The following ABCA4 variants were observed in gnomAD, a reference collection of about 807,000 sequenced individuals.
ABCA4 encodes retinal-specific phospholipid-transporting ATPase ABCA4.
In ABCA4, 196 loss-of-function variants were observed where a neutral mutation model predicts 263.7. The observed-to-expected ratio is 0.74, with a 90% CI of 0.66 to 0.84. The LOEUF is 0.84. ABCA4 is among the 40% of genes least tolerant of loss of function. The probability of loss-of-function intolerance (pLI) is 0.00; values close to 1 mark genes in which losing one functional copy is unlikely to be tolerated. For synonymous variants in ABCA4, 1,133 were observed against 1,094.2 expected (o/e 1.04, Z -0.70); for missense variants, 2,792 against 2,855.1 (o/e 0.98, Z 0.50).
intron 28 of ABCA4, among the ~76,000 whole-genome samples, chr1:94,030,739 C>T (rs954953676): frequency 4.6e-5 from 7 of 152,166 alleles, no homozygotes; most frequent in African/African-American, 1.4e-4. Context: ...AAAAAGATGG[C>T]GCTTCAACCC....
At chr1:94,073,318 G>A (rs932725849) in intron 11 of ABCA4, among the ~76,000 whole-genome samples, 1 of 152,028 alleles carries the variant, frequency 6.6e-6, no homozygotes, top group Non-Finnish European at 1.5e-5. Flanking sequence ...ACAGCTGCTG[G>A]GCTTCTGCTC....
intron 37 of ABCA4, among the ~76,000 whole-genome samples, chr1:94,015,431 G>A (rs186521749): frequency 7.6e-5 from 11 of 145,018 alleles, no homozygotes; most frequent in African/African-American, 2.9e-4. Flanking sequence ...AGCTGGGTGA[G>A]GGGTTGGGGA....
At chr1:94,041,434 C>A (rs1570371087) in intron 22 of ABCA4, 32 bp from the exon 23 acceptor site, 1 of 1,611,026 alleles carries the variant, frequency 6.2e-7, no homozygotes, top group Non-Finnish European at 8.5e-7. Context: ...AATCACCAGG[C>A]CTGCCCTGGG....
intron 18 of ABCA4, among the ~76,000 whole-genome samples, chr1:94,047,858 C>T (rs889896288): frequency 1.3e-5 from 2 of 152,218 alleles, no homozygotes; most frequent in African/African-American, 4.8e-5. Context: ...TCTCCCTGAC[C>T]TCCCATCTAT....
chr1:94,080,386 G>T, intron 8 of ABCA4, 92 bp downstream of exon 8: 1 of 1,557,718 alleles, frequency 6.4e-7, no homozygotes, highest in Non-Finnish European at 8.8e-7. Flanking sequence ...CAAGACAGAT[G>T]CAACCCCAGG....
At chr1:94,118,945 G>A (rs375727316) in intron 1 of ABCA4, among the ~76,000 whole-genome samples, 6 of 152,304 alleles carry the variant, frequency 3.9e-5, no homozygotes, top group East Asian at 1.9e-4. Flanking sequence ...CCCCCTTTGA[G>A]GGTCACAAAG....
intron 15 of ABCA4, among the ~76,000 whole-genome samples, chr1:94,056,399 G>A (rs562786054): frequency 1.3e-4 from 20 of 152,322 alleles, no homozygotes; most frequent in African/African-American, 7.2e-5. Flanking sequence ...TCAAGCAGGC[G>A]TGGTGAGGAG....
At chr1:94,044,013 C>T (rs967284727) in intron 20 of ABCA4, among the ~76,000 whole-genome samples, 6 of 151,140 alleles carry the variant, frequency 4.0e-5, no homozygotes, top group Admixed American at 6.6e-5. Context: ...CCTCCTTCCC[C>T]TTCCCTTTTC....
rs144943152 is a variant in ABCA4 at position 94,094,341 on chromosome 1, C to T, written c.768+4453G>A. Among the ~76,000 whole-genome samples, 451 of 152,198 alleles carry T rather than the reference C, an allele frequency of 3.0e-3. 1 individual carries two copies. The highest frequency in any genetic ancestry group is 4.3e-3 in the African/African-American group (177 of 41,524). On this transcript the variant is annotated intron_variant, in intron 6 of 49. Transcript: ENST00000370225. ...AAGAATGAAACAGGACATTGATGGG[C>T]GCATGTAGTCAGAACCCCAAGATTG...
chr1:94,051,547 G>A lies in ABCA4; in HGVS notation c.2653+86C>T. On this transcript the variant is annotated intron_variant, in intron 17 of 49. Coordinates refer to ENST00000370225, the MANE Select transcript of ABCA4 (RefSeq NM_000350.3). ...TCAGGAATCACACCGTTTACATAGA[G>A]GGCCACCTCTGTGATCCATATACAT... 4 of 1,220,974 alleles carry A rather than the reference G, an allele frequency of 3.3e-6. No homozygotes were observed. The South Asian group carries it at 4.9e-5, about 15-fold the overall frequency. The allele number at this position is 1,220,974 out of a possible 1,614,324, so 75.6% of individuals were successfully genotyped here.
chr1:94,022,464 A>G (rs1659929702), intron 32 of ABCA4, among the ~76,000 whole-genome samples: 1 of 151,692 alleles, frequency 6.6e-6, no homozygotes, highest in Non-Finnish European at 1.5e-5. Context: ...ACCCATCTTC[A>G]TCCTGTCATC....
In ABCA4 at chr1:94,008,735, A is replaced by G. The variant is rs761324159; in HGVS notation, c.5835+16T>C. Reference sequence around the variant, plus strand: ...GGATCTAACCAGCACCTCCAAACTCATACCCATTCCCTTACCTTGGTTAGT... The same window carrying G: ...GGATCTAACCAGCACCTCCAAACTCGTACCCATTCCCTTACCTTGGTTAGT... On this transcript the variant is annotated intron_variant, in intron 41 of 49. Transcript: ENST00000370225. 3.1e-5 allele frequency: 50 copies of G among 1,613,108 alleles called. No individual in the cohort carries two copies. In the Middle Eastern group the frequency reaches 3.5e-3, roughly 111 times the overall value.
At chr1:94,045,748 A>G (rs1398804578) in intron 19 of ABCA4, 1 of 456,282 alleles carries the variant, frequency 2.2e-6, no homozygotes, top group Non-Finnish European at 4.4e-6. Flanking sequence ...CCCACATTCC[A>G]TTCACACTGA....
intron 47 of ABCA4, 81 bp downstream of exon 47, chr1:94,000,755 T>C: frequency 6.9e-7 from 1 of 1,442,926 alleles, no homozygotes; most frequent in Non-Finnish European, 9.8e-7. Flanking sequence ...GCAGCAGGAC[T>C]CTTCCAAGTG....
At position 94,042,830 on chromosome 1, in the gene ABCA4, C is replaced by G. The variant is rs61751398; in HGVS notation, c.3259G>C (p.Glu1087Gln). Reference protein sequence around the residue: ...VGDAKVVILDEPTSGVDPYSR... With the variant: ...VGDAKVVILDQPTSGVDPYSR... ...TAAGGGTCCACCCCAGAGGTGGGTT[C>G]GTCCAGAATCACCACCTTGGCATCT... The change falls in exon 22 of 50, where the codon GAA becomes CAA. Residue 1087 changes from glutamate (E) to glutamine (Q), a missense_variant. Coordinates refer to ENST00000370225, the MANE Select transcript of ABCA4 (RefSeq NM_000350.3). 1 of 1,614,036 alleles carries G rather than the reference C, an allele frequency of 6.2e-7. No homozygotes were observed. Among genetic ancestry groups the G allele is most frequent in the Non-Finnish European group, 8.5e-7 (1 of 1,180,032 alleles).
intron 6 of ABCA4, among the ~76,000 whole-genome samples, chr1:94,090,991 G>A (rs1661952903): frequency 6.6e-6 from 1 of 152,150 alleles, no homozygotes; most frequent in African/African-American, 2.4e-5. Context: ...GTGAGAGTGA[G>A]GACAGTGTCT....
At chr1:94,022,340 T>C (rs536123194) in intron 32 of ABCA4, among the ~76,000 whole-genome samples, 1 of 152,324 alleles carries the variant, frequency 6.6e-6, no homozygotes, top group East Asian at 1.9e-4. Flanking sequence ...TTTGGGAGCA[T>C]CGAGCCAACT....
In ABCA4 at chr1:94,010,802, T is replaced by C. The variant is rs191506332; in HGVS notation, c.5712A>G (p.Gln1904=). Residue 1904 remains glutamine (Q), a splice_region_variant and synonymous_variant, in exon 40 of 50, where the codon CAA becomes CAG. Coordinates refer to ENST00000370225, the MANE Select transcript of ABCA4 (RefSeq NM_000350.3). The part of the protein sequence containing the change: ...LLVQRHFFLS[Q]WIAEPTKEPI... ...CCCAGGGTGTGGCATGGACGTACCA[T>C]TGGGAGAGGAAGAAGTGGCGCTGGA... The C allele has an allele frequency of 6.8e-5, 109 of 1,614,110 alleles. 1 individual carries two copies. In the East Asian group the frequency reaches 1.6e-3, roughly 24 times the overall value.
At chr1:94,077,928 T>C (rs1411577132) in intron 10 of ABCA4, 41 bp from the exon 11 acceptor site, 3 of 1,574,388 alleles carry the variant, frequency 1.9e-6, no homozygotes, top group Non-Finnish European at 2.6e-6. Flanking sequence ...GCTTAGAAAT[T>C]CCATAGGATC....
Sources: gnomAD v4.1 joint callset for allele counts (sites outside exome capture counted in the v4.1 genomes callset) on GRCh38, gnomAD v4.1.1 for gene constraint, MANE v1.5 for transcripts, NCBI Gene and HGNC (gene_info 2026-07-23, HGNC 2026-07-21) for gene names.